The following PTGER3 variants were observed in gnomAD, a reference collection of about 807,000 sequenced individuals.
PTGER3 encodes prostaglandin E receptor 3.
PTGER3 carries 22 observed loss-of-function variants against 34.7 expected under a neutral mutation model. The observed-to-expected ratio is 0.63, with a 90% CI of 0.45 to 0.91. The LOEUF (loss-of-function observed/expected upper bound fraction) is 0.91, where lower values mean the gene tolerates loss of function less well. PTGER3 is among the 40% of genes least tolerant of loss of function. PTGER3 has a pLI of 0.00. For missense variants in PTGER3, 468 were observed against 519.4 expected (o/e 0.90, Z 0.96); for synonymous variants, 241 against 230.1 (o/e 1.05, Z -0.43).
At chr1:70,946,781 C>G (rs1052369058) in intron 4 of PTGER3, among the ~76,000 whole-genome samples, 2 of 152,148 alleles carry the variant, frequency 1.3e-5, no homozygotes, top group African/African-American at 4.8e-5. Context: ...TGGCCCAGAA[C>G]TAACCTTCAG....
At chr1:70,894,156 A>C (rs1646675777) in intron 4 of PTGER3, among the ~76,000 whole-genome samples, 1 of 151,880 alleles carries the variant, frequency 6.6e-6, no homozygotes, top group South Asian at 2.1e-4. Flanking sequence ...AAAAATACAA[A>C]AAATTAGCCG....
At chr1:71,012,994 G>A (rs1337885666) in intron 1 of PTGER3, among the ~76,000 whole-genome samples, 2 of 152,076 alleles carry the variant, frequency 1.3e-5, no homozygotes, top group Admixed American at 1.3e-4. Context: ...CAGACATGGT[G>A]CCGAGTTCTT....
chr1:71,017,626 A>G (rs750695630), intron 1 of PTGER3, among the ~76,000 whole-genome samples: 16 of 152,068 alleles, frequency 1.1e-4, no homozygotes, highest in Non-Finnish European at 1.9e-4. Context: ...CTCATGAGAT[A>G]TGCTTGTTTA....
chr1:71,021,485 A>G (rs1483671013), intron 1 of PTGER3, among the ~76,000 whole-genome samples: 1 of 152,158 alleles, frequency 6.6e-6, no homozygotes, highest in African/African-American at 2.4e-5. Context: ...TGGATGATGG[A>G]TTAGCTGGGT....
intron 4 of PTGER3, among the ~76,000 whole-genome samples, chr1:70,896,922 G>A (rs189963230): frequency 1.8e-4 from 28 of 152,144 alleles, no homozygotes; most frequent in African/African-American, 6.0e-4. Context: ...CTCTAAATGC[G>A]GACGCTGGAT....
downstream of PTGER3, chr1:70,950,968 G>T (rs942683705): frequency 6.6e-6 from 1 of 152,072 alleles, no homozygotes; most frequent in Non-Finnish European, 1.5e-5. Context: ...TGCCTGCCTC[G>T]GCCTCCAAAG....
intron 1 of PTGER3, among the ~76,000 whole-genome samples, chr1:71,039,636 C>G (rs544676464): frequency 8.5e-6 from 1 of 117,970 alleles, no homozygotes; most frequent in Admixed American, 1.1e-4. Context: ...GGTGACAGAG[C>G]GAGACTCTGT....
intron 2 of PTGER3, among the ~76,000 whole-genome samples, chr1:70,964,936 AAAG>A (rs1296321724): frequency 6.6e-6 from 1 of 152,232 alleles, no homozygotes; most frequent in Non-Finnish European, 1.5e-5. Flanking sequence ...CTTGGATAGC[AAAG>A]AAGATGGACA....
At chr1:70,968,887 A>T (rs1652805150), downstream of PTGER3, among the ~76,000 whole-genome samples, 1 of 152,072 alleles carries the variant, frequency 6.6e-6, no homozygotes, top group African/African-American at 2.4e-5. Flanking sequence ...CTTTAACAAA[A>T]AAACCTTTAA....
intron 2 of PTGER3, among the ~76,000 whole-genome samples, chr1:70,980,488 A>G (rs1338279398): frequency 1.3e-5 from 2 of 152,046 alleles, no homozygotes; most frequent in Non-Finnish European, 2.9e-5. Context: ...GGATTAATGC[A>G]GGCTGCCCAT....
intron 4 of PTGER3, among the ~76,000 whole-genome samples, chr1:70,877,815 G>T (rs945960627): frequency 2.6e-5 from 4 of 152,102 alleles, no homozygotes; most frequent in African/African-American, 9.7e-5. Flanking sequence ...CATCATAGTG[G>T]ATTAGGTTTT....
At chr1:70,951,952 C>G (rs979125023), downstream of PTGER3, among the ~76,000 whole-genome samples, 1 of 152,044 alleles carries the variant, frequency 6.6e-6, no homozygotes, top group African/African-American at 2.4e-5. Context: ...CGAGAAAGTA[C>G]TTAAGCTGTT....
intron 4 of PTGER3, among the ~76,000 whole-genome samples, chr1:70,866,549 T>C (rs1646045801): frequency 6.6e-6 from 1 of 152,214 alleles, no homozygotes; most frequent in African/African-American, 2.4e-5. Context: ...CATCTCTGTG[T>C]CTTACATCAG....
intron 2 of PTGER3, among the ~76,000 whole-genome samples, chr1:70,976,919 T>C (rs1373760835): frequency 1.3e-5 from 2 of 152,192 alleles, no homozygotes; most frequent in African/African-American, 4.8e-5. Context: ...TTGTTTCAAC[T>C]AAACTTGCAG....
intron 3 of PTGER3, among the ~76,000 whole-genome samples, 167 bp from the exon 4 acceptor site, chr1:70,971,900 A>G (rs1368310455): frequency 6.6e-6 from 1 of 152,224 alleles, no homozygotes; most frequent in Non-Finnish European, 1.5e-5. Flanking sequence ...TTAAAAAAGC[A>G]ATTGTAGGCA....
At chr1:70,962,575 G>A (rs1315265277) in intron 2 of PTGER3, among the ~76,000 whole-genome samples, 5 of 152,306 alleles carry the variant, frequency 3.3e-5, no homozygotes, top group South Asian at 2.1e-4. Flanking sequence ...GCAAAGTCAT[G>A]TCTTACATGG....
At chr1:70,952,439 G>C (rs1234679064) in exon 4 of PTGER3, 6 of 985,450 alleles carry the variant, frequency 6.1e-6, no homozygotes, top group Non-Finnish European at 7.2e-6. Context: ...TAATGATGTT[G>C]AATTAGAATG....
At chr1:71,008,136 G>T (rs1657127423) in intron 2 of PTGER3, 1 of 975,864 alleles carries the variant, frequency 1.0e-6, no homozygotes, top group African/African-American at 1.8e-5. Context: ...TGAAAGAATG[G>T]ATAAGCACAG....
intron 4 of PTGER3, among the ~76,000 whole-genome samples, chr1:70,858,508 TG>T (rs1645859411): frequency 6.6e-6 from 1 of 152,052 alleles, no homozygotes. Context: ...AAGGGGAGAG[TG>T]TCCTGGAGAA....
Sources: gnomAD v4.1 joint callset for allele counts (sites outside exome capture counted in the v4.1 genomes callset) on GRCh38, gnomAD v4.1.1 for gene constraint, MANE v1.5 for transcripts, NCBI Gene and HGNC (gene_info 2026-07-23, HGNC 2026-07-21) for gene names.